Variants in INPP4B observed in about 807,000 individuals in gnomAD.
The protein encoded by INPP4B is inositol polyphosphate-4-phosphatase type II B.
In INPP4B, 55 loss-of-function variants were observed where a neutral mutation model predicts 122.5. The ratio of observed to expected loss-of-function variants is 0.45; its 90% confidence interval spans 0.36 to 0.56. The LOEUF (loss-of-function observed/expected upper bound fraction) is 0.56, where lower values mean the gene tolerates loss of function less well. Ranked by LOEUF, INPP4B falls within the 20% of genes least tolerant of loss-of-function variation. The pLI, the probability that INPP4B is intolerant of heterozygous loss-of-function variation, is 0.00. For missense variants in INPP4B, 1,000 were observed against 1,097.7 expected (o/e 0.91, Z 1.26); for synonymous variants, 403 against 388.7 (o/e 1.04, Z -0.43).
chr4:142,682,260 T>A lies in INPP4B; in HGVS notation c.-191+43579A>T, dbSNP rs553474016. Among the ~76,000 whole-genome samples the A allele has an allele frequency of 4.6e-5, 7 of 151,876 alleles. No individual in the cohort carries two copies. The South Asian group carries it at 1.5e-3, about 32-fold the overall frequency. On this transcript the variant is annotated intron_variant, in intron 2 of 25. Coordinates refer to ENST00000262992, the MANE Select transcript of INPP4B (RefSeq NM_001101669.3). ...TGTAATTACTTGGCAAGAATCTTAA[T>A]CTCTCCCTCTCTCTCCCTCTCTCTC...
chr4:142,197,679 A>T (rs1285143616), intron 14 of INPP4B, among the ~76,000 whole-genome samples: 1 of 152,198 alleles, frequency 6.6e-6, no homozygotes, highest in African/African-American at 2.4e-5. Flanking sequence ...TACTAAATGA[A>T]TGAATAATTA....
chr4:142,218,036 T>TTGTGTGTGTGTG (rs4054980), intron 12 of INPP4B, among the ~76,000 whole-genome samples: 1 of 149,040 alleles, frequency 6.7e-6, no homozygotes, highest in Non-Finnish European at 1.5e-5. Flanking sequence ...TTCTAATAAA[T>TTGTGTGTGTGTG]TGTGTGTGTG....
chr4:142,793,214 A>G (rs1276032274), intron 1 of INPP4B, among the ~76,000 whole-genome samples: 1 of 152,128 alleles, frequency 6.6e-6, no homozygotes, highest in Non-Finnish European at 1.5e-5. Flanking sequence ...CTTCGTGAAG[A>G]AGATAAATTA....
intron 2 of INPP4B, among the ~76,000 whole-genome samples, chr4:142,667,401 C>A (rs545337641): frequency 6.6e-6 from 1 of 152,242 alleles, no homozygotes; most frequent in Admixed American, 6.5e-5. Context: ...AAAGTGCAGA[C>A]TACCAACTCA....
At chr4:142,388,072 A>G (rs1382630181) in intron 7 of INPP4B, among the ~76,000 whole-genome samples, 1 of 152,166 alleles carries the variant, frequency 6.6e-6, no homozygotes, top group Non-Finnish European at 1.5e-5. Context: ...CTCTTCTTAA[A>G]TCTTCCTTCC....
rs116923016 is a variant in INPP4B at position 142,186,412 on chromosome 4, G to A, written c.1181+6675C>T. On this transcript the variant is annotated intron_variant, in intron 15 of 25. Transcript: ENST00000262992. Reference sequence around the variant, plus strand: ...CAATCAGAATTCAAATCTACACTGGGAGCGGAGTCTATGAATTGTCTGAGA... The same window carrying A: ...CAATCAGAATTCAAATCTACACTGGAAGCGGAGTCTATGAATTGTCTGAGA... Among the ~76,000 whole-genome samples, 280 of 152,302 alleles carry A rather than the reference G, an allele frequency of 1.8e-3. 3 individuals carry two copies. The East Asian group carries it at 0.036, about 19-fold the overall frequency.
At position 142,545,971 on chromosome 4, in the gene INPP4B, G is replaced by A. The variant is rs142176079; in HGVS notation, c.-190-83245C>T. Among the ~76,000 whole-genome samples, 818 of 151,850 alleles carry A rather than the reference G, an allele frequency of 5.4e-3. 7 individuals are homozygous for A. Among genetic ancestry groups the A allele is most frequent in the East Asian group, 0.044 (228 of 5,140 alleles). The stretch of plus-strand genomic sequence containing the variant: ...TTTTTAGTTCAGCAGTACAAGCTCA[G>A]ATTTGTTACACAGGTAAACTTGTGT... On this transcript the variant is annotated intron_variant, in intron 2 of 25. Transcript: ENST00000262992.
chr4:142,405,282 T>A lies in INPP4B; in HGVS notation c.179A>T (p.Asn60Ile). ...LVAPVRDRKL[N>I]TLVQISVIHP... ...GATTACGGAGATCTGCACCAGTGTA[T>A]TCAGTTTACGATCACGGACAGGAGC... The change falls in exon 6 of 26, where the codon AAT becomes ATT. Residue 60 changes from asparagine (N) to isoleucine (I), a missense_variant. Physicochemically the swap from Asn to Ile is moderately radical, Grantham distance 149. Transcript: ENST00000262992. The A allele has an allele frequency of 6.2e-7, 1 of 1,613,650 alleles. No homozygotes were observed. The highest frequency in any genetic ancestry group is 8.5e-7 in the Non-Finnish European group (1 of 1,179,738).
intron 25 of INPP4B, among the ~76,000 whole-genome samples, chr4:142,077,526 C>G (rs1325097288): frequency 3.3e-5 from 5 of 151,612 alleles, no homozygotes; most frequent in African/African-American, 1.2e-4. Flanking sequence ...TTTTTAAGGT[C>G]CAATCCTAAT....
At chr4:142,244,287 CTT>C (rs56945961) in intron 11 of INPP4B, among the ~76,000 whole-genome samples, 24 of 73,756 alleles carry the variant, frequency 3.3e-4, no homozygotes, top group African/African-American at 8.8e-4. Context: ...GTATATGTGC[CTT>C]TTTTTTTTTT....
intron 25 of INPP4B, among the ~76,000 whole-genome samples, chr4:142,054,011 C>G (rs1756116235): frequency 7.4e-6 from 1 of 134,260 alleles, no homozygotes; most frequent in Non-Finnish European, 1.7e-5. Context: ...GAGATCTGCT[C>G]TGTTTTTTAT....
intron 17 of INPP4B, among the ~76,000 whole-genome samples, chr4:142,152,316 C>T (rs1250398851): frequency 1.3e-5 from 2 of 152,014 alleles, no homozygotes; most frequent in Non-Finnish European, 2.9e-5. Context: ...AGCTCATGAT[C>T]CACCCGCCTG....
At chr4:142,348,218 C>T (rs1780880952) in intron 7 of INPP4B, among the ~76,000 whole-genome samples, 1 of 151,952 alleles carries the variant, frequency 6.6e-6, no homozygotes, top group Admixed American at 6.6e-5. Flanking sequence ...AACCCTGCTA[C>T]TACAACAAGG....
chr4:142,490,083 CT>C (rs201797906), intron 2 of INPP4B, among the ~76,000 whole-genome samples: 2 of 150,448 alleles, frequency 1.3e-5, no homozygotes, highest in African/African-American at 4.9e-5. Context: ...ATTTTCTTTC[CT>C]TTTTTTTTGT....
At chr4:142,742,950 A>G (rs2150923762) in intron 1 of INPP4B, among the ~76,000 whole-genome samples, 1 of 152,136 alleles carries the variant, frequency 6.6e-6, no homozygotes, top group South Asian at 2.1e-4. Context: ...ATCCGATTAT[A>G]AAAGTAATGA....
rs552692691 is a variant in INPP4B, at chr4:142,671,650, T to C, written c.-191+54189A>G. On this transcript the variant is annotated intron_variant, in intron 2 of 25. Transcript: ENST00000262992. ...TTGCCAGTGACACTTGGGAAATTTGTGCATATCGCCCTCATAGGTTTAGAC... is the reference window on the plus strand; with the variant it reads ...TTGCCAGTGACACTTGGGAAATTTGCGCATATCGCCCTCATAGGTTTAGAC... 3.9e-5 allele frequency among the ~76,000 whole-genome samples: 6 copies of C among 152,272 alleles called. No individual in the cohort carries two copies. In the South Asian group the frequency reaches 1.2e-3, roughly 32 times the overall value.
chr4:142,431,113 T>C, intron 4 of INPP4B, 56 bp downstream of exon 4: 4 of 1,320,212 alleles, frequency 3.0e-6, no homozygotes, highest in East Asian at 2.3e-5. Flanking sequence ...GTAAGTTTCA[T>C]CGGCCCAATT....
intron 1 of INPP4B, among the ~76,000 whole-genome samples, chr4:142,800,882 A>C (rs1387825756): frequency 2.0e-5 from 3 of 152,188 alleles, no homozygotes; most frequent in Non-Finnish European, 4.4e-5. Context: ...AAGACAGCAC[A>C]TTATTCAACT....
chr4:142,842,796 A>G (rs952991373), intron 1 of INPP4B, among the ~76,000 whole-genome samples: 4 of 133,276 alleles, frequency 3.0e-5, no homozygotes, highest in Admixed American at 1.7e-4. Flanking sequence ...ATAAATATAT[A>G]ATTATATATA....
Sources: gnomAD v4.1 joint callset for allele counts (sites outside exome capture counted in the v4.1 genomes callset) on GRCh38, gnomAD v4.1.1 for gene constraint, MANE v1.5 for transcripts, NCBI Gene and HGNC (gene_info 2026-07-23, HGNC 2026-07-21) for gene names.